The following LMBR1 variants were observed in gnomAD, a reference collection of about 807,000 sequenced individuals.
LMBR1 encodes limb region 1 protein homolog.
In LMBR1, 52 loss-of-function variants were observed where a neutral mutation model predicts 73.9. That is an observed-to-expected ratio of 0.70 (90% CI 0.56 to 0.89). The LOEUF (loss-of-function observed/expected upper bound fraction) is 0.89. Among genes scored for constraint, LMBR1 ranks in the 40% least tolerant of loss-of-function variants. LMBR1 has a pLI of 0.00. For synonymous variants in LMBR1, 215 were observed against 209.4 expected (o/e 1.03, Z -0.23); for missense variants, 539 against 579.8 (o/e 0.93, Z 0.72).
intron 1 of LMBR1, among the ~76,000 whole-genome samples, chr7:156,891,730 AG>A (rs1803034881): frequency 6.6e-6 from 1 of 152,156 alleles, no homozygotes. Flanking sequence ...AATGATCTGA[AG>A]GGTACATGTA....
intron 1 of LMBR1, among the ~76,000 whole-genome samples, chr7:156,854,067 C>T (rs1459577419): frequency 6.6e-6 from 1 of 151,916 alleles, no homozygotes; most frequent in Non-Finnish European, 1.5e-5. Context: ...AACATAGTGG[C>T]TTCTGGCTTC....
In LMBR1 at chr7:156,836,870, AAAG is replaced by A; in HGVS notation, c.79_81del (p.Leu27del). The stretch of plus-strand genomic sequence containing the variant: ...TAGGAAACAACGTAGAGAATGGCAA[AAAG>A]AAGGAAACATATCTGAAACAAAACG... On this transcript the variant is annotated inframe_deletion, in exon 2 of 17. Coordinates refer to ENST00000353442, the MANE Select transcript of LMBR1 (RefSeq NM_022458.4). The A allele has an allele frequency of 6.3e-7, 1 of 1,576,284 alleles. No homozygotes were observed. Among genetic ancestry groups the A allele is most frequent in the South Asian group, 1.2e-5 (1 of 86,220 alleles).
intron 3 of LMBR1, among the ~76,000 whole-genome samples, chr7:156,827,963 T>C (rs1478582145): frequency 6.6e-6 from 1 of 152,192 alleles, no homozygotes; most frequent in Non-Finnish European, 1.5e-5. Context: ...GACACCGCAT[T>C]TCCTGGGAAA....
chr7:156,692,609 A>G (rs1300115302), intron 15 of LMBR1, among the ~76,000 whole-genome samples: 1 of 152,204 alleles, frequency 6.6e-6, no homozygotes, highest in Non-Finnish European at 1.5e-5. Context: ...GAAACAAACA[A>G]GGTGGGCCCT....
intron 5 of LMBR1, among the ~76,000 whole-genome samples, chr7:156,782,256 T>C (rs1458898499): frequency 6.6e-6 from 1 of 152,264 alleles, no homozygotes; most frequent in East Asian, 1.9e-4. Context: ...TTAGGTATTG[T>C]GAATAATGCT....
intron 2 of LMBR1, among the ~76,000 whole-genome samples, chr7:156,835,013 G>T (rs898510087): frequency 6.6e-6 from 1 of 151,932 alleles, no homozygotes; most frequent in Admixed American, 6.6e-5. Context: ...GGTGGCGGGC[G>T]TCTGTAATCC....
chr7:156,845,268 T>C (rs1225464961), intron 1 of LMBR1, among the ~76,000 whole-genome samples: 1 of 152,124 alleles, frequency 6.6e-6, no homozygotes, highest in Non-Finnish European at 1.5e-5. Flanking sequence ...AATAATCTTA[T>C]ATTCCATAGC....
In LMBR1 at chr7:156,779,698, A is replaced by G. The variant is rs1192172866; in HGVS notation, c.424-15903T>C. On this transcript the variant is annotated intron_variant, in intron 5 of 16. Transcript: ENST00000353442. The stretch of plus-strand genomic sequence containing the variant: ...CTGTCATGTTTCTATGGTGATGAAC[A>G]TTTAAACAAGGTTTTGCCTGGACAT... The G allele has an allele frequency of 3.1e-6, 4 of 1,286,270 alleles. No individual in the cohort carries two copies. The South Asian group carries it at 5.0e-5, about 16-fold the overall frequency. 79.7% of individuals were successfully genotyped at this position (1,286,270 alleles called of 1,614,324 possible).
At chr7:156,708,034 TAA>T (rs779179620) in intron 15 of LMBR1, among the ~76,000 whole-genome samples, 9 of 114,896 alleles carry the variant, frequency 7.8e-5, no homozygotes, top group African/African-American at 9.7e-5. Context: ...CATTTCTATA[TAA>T]AAAAAAAAAA....
chr7:156,873,139 C>G (rs1399374357), intron 1 of LMBR1, among the ~76,000 whole-genome samples: 1 of 152,200 alleles, frequency 6.6e-6, no homozygotes, highest in Non-Finnish European at 1.5e-5. Context: ...AGTGTTACAG[C>G]TCTTAAGGTG....
intron 9 of LMBR1, among the ~76,000 whole-genome samples, chr7:156,746,491 A>C (rs1364711756): frequency 3.9e-5 from 6 of 152,212 alleles, no homozygotes; most frequent in African/African-American, 1.4e-4. Context: ...TCTTCAAAGG[A>C]AAATAACTAA....
At chr7:156,716,906 C>G (rs1813333110) in intron 15 of LMBR1, among the ~76,000 whole-genome samples, 1 of 152,008 alleles carries the variant, frequency 6.6e-6, no homozygotes, top group South Asian at 2.1e-4. Context: ...TCACTTGAGC[C>G]CAGGAGTTCA....
At chr7:156,699,600 C>A (rs1809156900) in intron 15 of LMBR1, among the ~76,000 whole-genome samples, 1 of 151,972 alleles carries the variant, frequency 6.6e-6, no homozygotes, top group East Asian at 1.9e-4. Flanking sequence ...AAAGAAACCA[C>A]CATCAGAGTG....
intron 4 of LMBR1, among the ~76,000 whole-genome samples, chr7:156,819,314 T>G (rs1834393441): frequency 6.6e-6 from 1 of 152,160 alleles, no homozygotes; most frequent in African/African-American, 2.4e-5. Flanking sequence ...AAAAAAAGCA[T>G]TATCAACACA....
intron 4 of LMBR1, among the ~76,000 whole-genome samples, chr7:156,816,185 ATT>A (rs962187028): frequency 6.6e-6 from 1 of 151,502 alleles, no homozygotes; most frequent in African/African-American, 2.4e-5. Flanking sequence ...TGAAAAAAAT[ATT>A]TTTTTTTCTT....
At chr7:156,723,580 G>A (rs894375483) in intron 15 of LMBR1, among the ~76,000 whole-genome samples, 14 of 152,078 alleles carry the variant, frequency 9.2e-5, no homozygotes, top group South Asian at 4.2e-4. Flanking sequence ...CAAATTCTCC[G>A]TAAACTGAAA....
intron 5 of LMBR1, among the ~76,000 whole-genome samples, chr7:156,767,899 A>T (rs1259110402): frequency 6.6e-6 from 1 of 152,162 alleles, no homozygotes; most frequent in Non-Finnish European, 1.5e-5. Context: ...TTATTGTTTA[A>T]TTTTTTAAAA....
At chr7:156,891,104 T>C (rs1371694982) in intron 1 of LMBR1, among the ~76,000 whole-genome samples, 1 of 145,298 alleles carries the variant, frequency 6.9e-6, no homozygotes, top group African/African-American at 2.6e-5. Context: ...GGTAGGAGAA[T>C]CACTTGAATC....
At chr7:156,833,979 T>C (rs1432739796) in intron 2 of LMBR1, among the ~76,000 whole-genome samples, 187 bp from the exon 3 acceptor site, 5 of 152,198 alleles carry the variant, frequency 3.3e-5, no homozygotes, top group African/African-American at 9.7e-5. Context: ...TAGTATGGTA[T>C]ATAGAGAATG....
Sources: allele counts gnomAD v4.1 joint callset (sites outside exome capture counted in the v4.1 genomes callset), GRCh38; gene constraint gnomAD v4.1.1; transcripts MANE v1.5; gene names NCBI Gene and HGNC (gene_info 2026-07-23, HGNC 2026-07-21).